Variants in NLGN1 observed in about 807,000 individuals in gnomAD.
The protein encoded by NLGN1 is neuroligin 1.
In NLGN1, 12 loss-of-function variants were observed where a neutral mutation model predicts 65.5. The ratio of observed to expected loss-of-function variants is 0.18; its 90% CI spans 0.12 to 0.30. NLGN1 has a LOEUF of 0.30. Ranked by LOEUF, NLGN1 falls within the 10% of genes least tolerant of loss-of-function variation. The pLI, the probability that NLGN1 is intolerant of heterozygous loss-of-function variation, is 1.00. For missense variants in NLGN1, 750 were observed against 1,007.1 expected (o/e 0.74, Z 3.46); for synonymous variants, 350 against 359.5 (o/e 0.97, Z 0.30).
At chr3:173,517,932 G>T (rs76634755) in intron 2 of NLGN1, among the ~76,000 whole-genome samples, 7,644 of 152,242 alleles carry the variant, frequency 0.05, 307 homozygotes, top group Non-Finnish European at 0.077. Flanking sequence ...CAACTAGACT[G>T]TTCAAACCTG....
intron 4 of NLGN1, among the ~76,000 whole-genome samples, chr3:174,267,730 A>G (rs1329856623): frequency 1.3e-5 from 2 of 152,208 alleles, no homozygotes; most frequent in African/African-American, 2.4e-5. Context: ...CATTGCTGCC[A>G]TCTAAGAAAG....
chr3:174,106,190 AT>A (rs542888747), intron 4 of NLGN1, among the ~76,000 whole-genome samples: 5 of 152,312 alleles, frequency 3.3e-5, no homozygotes, highest in African/African-American at 1.2e-4. Context: ...TAGAGCTCGC[AT>A]AAAGTTTATA....
intron 3 of NLGN1, among the ~76,000 whole-genome samples, chr3:173,709,213 C>T (rs2149931308): frequency 6.6e-6 from 1 of 152,282 alleles, no homozygotes; most frequent in African/African-American, 2.4e-5. Flanking sequence ...CAGCCCAGGG[C>T]TCTGTTCTGC....
intron 3 of NLGN1, among the ~76,000 whole-genome samples, chr3:173,687,451 A>C (rs1764844996): frequency 6.6e-6 from 1 of 152,214 alleles, no homozygotes; most frequent in Admixed American, 6.5e-5. Context: ...AGACAGATAC[A>C]GGTGTGCTTT....
intron 4 of NLGN1, among the ~76,000 whole-genome samples, chr3:174,230,489 A>G (rs1740508747): frequency 6.6e-6 from 1 of 152,228 alleles, no homozygotes. Context: ...ATATTTACCT[A>G]TCTTAAAATA....
chr3:173,544,769 G>A (rs1037051399), intron 2 of NLGN1, among the ~76,000 whole-genome samples: 1 of 152,012 alleles, frequency 6.6e-6, no homozygotes, highest in African/African-American at 2.4e-5. Flanking sequence ...TTATAATCAA[G>A]AAAGAGACTA....
At chr3:173,400,286 CTTA>C (rs1001784431) in intron 1 of NLGN1, among the ~76,000 whole-genome samples, 9 of 152,088 alleles carry the variant, frequency 5.9e-5, no homozygotes, top group African/African-American at 2.2e-4. Flanking sequence ...TAGGTATGAT[CTTA>C]TTAACATTGG....
chr3:174,237,123 A>C (rs994367764), intron 4 of NLGN1, among the ~76,000 whole-genome samples: 1 of 152,134 alleles, frequency 6.6e-6, no homozygotes, highest in South Asian at 2.1e-4. Context: ...ATAAAGTAGA[A>C]AATTAAATAA....
intron 3 of NLGN1, among the ~76,000 whole-genome samples, chr3:173,629,543 T>C (rs1434242537): frequency 6.6e-6 from 1 of 152,266 alleles, no homozygotes; most frequent in African/African-American, 2.4e-5. Flanking sequence ...TAGGTATGAT[T>C]AGTAAAAGAA....
chr3:173,759,940 T>C (rs1777715137), intron 3 of NLGN1, among the ~76,000 whole-genome samples: 2 of 151,984 alleles, frequency 1.3e-5, no homozygotes, highest in Admixed American at 1.3e-4. Context: ...GACACAAGGA[T>C]CTAATGTGTT....
intron 4 of NLGN1, among the ~76,000 whole-genome samples, chr3:173,821,706 C>T (rs1272896485): frequency 6.6e-6 from 1 of 152,128 alleles, no homozygotes; most frequent in Non-Finnish European, 1.5e-5. Flanking sequence ...ACAGAGACCA[C>T]AGATCAGACA....
At chr3:173,503,972 A>G (rs1731584440) in intron 2 of NLGN1, among the ~76,000 whole-genome samples, 1 of 152,040 alleles carries the variant, frequency 6.6e-6, no homozygotes, top group Admixed American at 6.6e-5. Context: ...AATAACACAT[A>G]TGAGTTATTG....
chr3:173,920,302 T>C (rs1268415639), intron 4 of NLGN1, among the ~76,000 whole-genome samples: 1 of 152,128 alleles, frequency 6.6e-6, no homozygotes, highest in East Asian at 1.9e-4. Context: ...AGCAGGTGTG[T>C]TAGAAAGAAA....
chr3:173,883,256 T>G (rs1733675394), intron 4 of NLGN1, among the ~76,000 whole-genome samples: 1 of 152,170 alleles, frequency 6.6e-6, no homozygotes, highest in South Asian at 2.1e-4. Context: ...AATATTGCTG[T>G]GTCTAAGGGA....
intron 4 of NLGN1, among the ~76,000 whole-genome samples, chr3:173,944,638 C>T (rs1427095194): frequency 6.6e-6 from 1 of 152,176 alleles, no homozygotes; most frequent in Non-Finnish European, 1.5e-5. Flanking sequence ...TTAATAACTT[C>T]TCCTATCATC....
the NLGN1 span, among the ~76,000 whole-genome samples, chr3:174,292,234 G>A: frequency 2.6e-5 from 4 of 151,232 alleles, no homozygotes; most frequent in Non-Finnish European, 4.4e-5. Flanking sequence ...TAGTAGCAAT[G>A]AGCATCCTTA....
intron 4 of NLGN1, among the ~76,000 whole-genome samples, chr3:174,116,305 A>G (rs533531140): frequency 9.0e-5 from 13 of 145,070 alleles, no homozygotes; most frequent in Admixed American, 2.1e-4. Flanking sequence ...GTGAATTGTG[A>G]CATGTAAGTT....
chr3:173,714,415 T>C (rs910378246), intron 3 of NLGN1, among the ~76,000 whole-genome samples: 1 of 152,122 alleles, frequency 6.6e-6, no homozygotes, highest in Admixed American at 6.6e-5. Flanking sequence ...GTAACTATTA[T>C]TATATTGGAT....
chr3:173,970,635 A>G (rs1252002630), intron 4 of NLGN1, among the ~76,000 whole-genome samples: 1 of 152,136 alleles, frequency 6.6e-6, no homozygotes, highest in East Asian at 1.9e-4. Flanking sequence ...TATTAGAAGA[A>G]CACAGTATAG....
Sources: allele counts gnomAD v4.1 joint callset (sites outside exome capture counted in the v4.1 genomes callset), GRCh38; gene constraint gnomAD v4.1.1; transcripts MANE v1.5; gene names NCBI Gene and HGNC (gene_info 2026-07-23, HGNC 2026-07-21).